GIPC2: variants seen among roughly 807,000 people sequenced by gnomAD.
The protein encoded by GIPC2 is GIPC PDZ domain containing family member 2.
A neutral mutation model predicts 30.6 loss-of-function variants in GIPC2; 30 were observed. The observed-to-expected ratio is 0.98, with a 90% CI of 0.73 to 1.33. GIPC2 has a LOEUF of 1.33. Among genes scored for constraint, GIPC2 ranks in the 40% most tolerant of loss-of-function variants. The pLI is 0.00. For synonymous variants in GIPC2, 167 were observed against 150.0 expected, an observed-to-expected ratio of 1.11 and a Z score of -0.83; for missense variants, 414 against 390.3, an observed-to-expected ratio of 1.06 and a Z score of -0.51.
intron 2 of GIPC2, chr1:78,089,144 G>A (rs1661990318): frequency 6.6e-6 from 1 of 152,240 alleles, no homozygotes; most frequent in South Asian, 2.1e-4. Context: ...AGGACAGTGT[G>A]GTAGGTGTTC....
At chr1:78,072,792 A>G (rs908467745) in intron 1 of GIPC2, among the ~76,000 whole-genome samples, 7 of 151,904 alleles carry the variant, frequency 4.6e-5, no homozygotes, top group African/African-American at 1.4e-4. Context: ...TGAGGAAAGT[A>G]TGGTTTCTTT....
Position 78,119,429 on chromosome 1 carries a change from G to A in GIPC2, c.644G>A (p.Gly215Glu). Reference sequence around the variant, plus strand: ...AGGTCAAAGGCTGGAAAGTCATCAGGAGAAAAAATTGGTTGTGGAAGGGCA... The same window carrying A: ...AGGTCAAAGGCTGGAAAGTCATCAGAAGAAAAAATTGGTTGTGGAAGGGCA... Reference protein sequence around the residue: ...ELRSKAGKSSGEKIGCGRATL... With the variant: ...ELRSKAGKSSEEKIGCGRATL... The change falls in exon 4 of 6, where the codon GGA becomes GAA. Residue 215 changes from glycine (G) to glutamate (E), a missense_variant. Coordinates refer to ENST00000370759, the MANE Select transcript of GIPC2 (RefSeq NM_017655.6). The A allele has an allele frequency of 6.2e-7, 1 of 1,612,704 alleles. No individual in the cohort carries two copies. The highest frequency in any genetic ancestry group is 8.5e-7 in the Non-Finnish European group (1 of 1,178,798).
chr1:78,122,160 T>C (rs1036228930), intron 4 of GIPC2, among the ~76,000 whole-genome samples: 3 of 152,208 alleles, frequency 2.0e-5, no homozygotes, highest in African/African-American at 7.2e-5. Context: ...TAAAAATCTA[T>C]TCCTATTTTC....
In GIPC2 at chr1:78,136,387, CTG is replaced by C. The variant is rs144509518; in HGVS notation, c.*656_*657del. ...TTAAAACTTGTGGTTGAAATCTGTG[CTG>C]TGTGTGTGTGTCTCTGCATGTGTAA... On this transcript the variant is annotated 3_prime_UTR_variant, in exon 6 of 6. Transcript: ENST00000370759. The C allele has an allele frequency of 1.3e-5, 2 of 151,488 alleles. No individual in the cohort carries two copies. The highest frequency in any genetic ancestry group is 1.5e-5 in the Non-Finnish European group (1 of 67,810). 9.4% of individuals were successfully genotyped at this position (151,488 alleles called of 1,614,324 possible).
intron 3 of GIPC2, among the ~76,000 whole-genome samples, chr1:78,097,738 G>C (rs905711849): frequency 6.6e-6 from 1 of 152,204 alleles, no homozygotes; most frequent in African/African-American, 2.4e-5. Context: ...CTACCATGTA[G>C]GTCCCAGAAA....
intron 3 of GIPC2, among the ~76,000 whole-genome samples, chr1:78,098,079 G>T (rs1229971547): frequency 6.6e-6 from 1 of 152,170 alleles, no homozygotes; most frequent in Non-Finnish European, 1.5e-5. Context: ...AGCCACAGCA[G>T]TATTGATTTT....
chr1:78,069,006 C>G (rs1280489010), intron 1 of GIPC2: 1 of 893,018 alleles, frequency 1.1e-6, no homozygotes, highest in Non-Finnish European at 1.3e-6. Context: ...TGCTCTGCCT[C>G]CCCTAGCACC....
At chr1:78,122,866 T>C (rs1208052315) in intron 4 of GIPC2, among the ~76,000 whole-genome samples, 1 of 152,108 alleles carries the variant, frequency 6.6e-6, no homozygotes, top group East Asian at 1.9e-4. Flanking sequence ...GAAAAGAAGC[T>C]ATTACAACCC....
In GIPC2 at chr1:78,053,149, A is replaced by G. The variant is rs138089673; in HGVS notation, c.240+6815A>G. 4.3e-3 allele frequency among the ~76,000 whole-genome samples: 659 copies of G among 152,316 alleles called. 6 individuals carry two copies. Among genetic ancestry groups the G allele is most frequent in the Non-Finnish European group, 6.7e-3 (455 of 68,028 alleles). On this transcript the variant is annotated intron_variant, in intron 1 of 5. Coordinates refer to ENST00000370759, the MANE Select transcript of GIPC2 (RefSeq NM_017655.6). Reference sequence around the variant, plus strand: ...AGTAAGCCCGTCAAAATTGAGTAGAAAAAGTGTGAGAAGCAGTCCCTGACA... The same window carrying G: ...AGTAAGCCCGTCAAAATTGAGTAGAGAAAGTGTGAGAAGCAGTCCCTGACA...
upstream of GIPC2, chr1:78,045,851 A>G: frequency 7.7e-7 from 1 of 1,294,568 alleles, no homozygotes; most frequent in Non-Finnish European, 9.7e-7. Flanking sequence ...ACCTGGTGAT[A>G]GGATGAGGGA....
intron 5 of GIPC2, among the ~76,000 whole-genome samples, chr1:78,127,015 G>A (rs1019054860): frequency 6.6e-6 from 1 of 152,138 alleles, no homozygotes; most frequent in African/African-American, 2.4e-5. Context: ...ACTAAGTAGG[G>A]CAGTTGCATG....
At chr1:78,052,685 C>T (rs1233107301) in intron 1 of GIPC2, among the ~76,000 whole-genome samples, 1 of 152,042 alleles carries the variant, frequency 6.6e-6, no homozygotes, top group African/African-American at 2.4e-5. Context: ...ATAATTATTA[C>T]AGTCAAGCTA....
At chr1:78,091,239 A>T (rs942836505) in intron 2 of GIPC2, among the ~76,000 whole-genome samples, 3 of 152,234 alleles carry the variant, frequency 2.0e-5, no homozygotes, top group African/African-American at 7.2e-5. Flanking sequence ...CTTATTGTGA[A>T]GACTAAATGA....
At chr1:78,048,850 G>A (rs1661144925) in intron 1 of GIPC2, among the ~76,000 whole-genome samples, 1 of 152,048 alleles carries the variant, frequency 6.6e-6, no homozygotes, top group African/African-American at 2.4e-5. Context: ...TAATATACAC[G>A]AGTTGTTTTC....
At chr1:78,046,608 GCA>G (rs1661092006) in intron 1 of GIPC2, among the ~76,000 whole-genome samples, 1 of 152,126 alleles carries the variant, frequency 6.6e-6, no homozygotes, top group Non-Finnish European at 1.5e-5. Context: ...TCTTCCGCTT[GCA>G]AATGTGTTTG....
chr1:78,060,108 C>T (rs1250813107), intron 1 of GIPC2, among the ~76,000 whole-genome samples: 1 of 151,900 alleles, frequency 6.6e-6, no homozygotes, highest in Non-Finnish European at 1.5e-5. Flanking sequence ...TGTTTCAAAG[C>T]TTTATAGGTA....
At chr1:78,078,902 C>G (rs954520322) in intron 1 of GIPC2, among the ~76,000 whole-genome samples, 3 of 151,594 alleles carry the variant, frequency 2.0e-5, no homozygotes, top group Non-Finnish European at 4.4e-5. Flanking sequence ...TACTTACTTC[C>G]CATCATTTTG....
chr1:78,084,667 T>C (rs1262909572), intron 2 of GIPC2, among the ~76,000 whole-genome samples: 2 of 152,216 alleles, frequency 1.3e-5, no homozygotes, highest in Non-Finnish European at 2.9e-5. Flanking sequence ...TGGTTAGCTG[T>C]ATTCCTAGGT....
chr1:78,053,718 T>C (rs1260621197), intron 1 of GIPC2, among the ~76,000 whole-genome samples: 1 of 125,114 alleles, frequency 8.0e-6, no homozygotes, highest in Non-Finnish European at 1.6e-5. Context: ...GACAACAGCC[T>C]GGGCAACATA....
Sources: allele counts gnomAD v4.1 joint callset (sites outside exome capture counted in the v4.1 genomes callset), GRCh38; gene constraint gnomAD v4.1.1; transcripts MANE v1.5; gene names NCBI Gene and HGNC (gene_info 2026-07-23, HGNC 2026-07-21).